CNTN6: variants seen among roughly 807,000 people sequenced by gnomAD.
The protein encoded by CNTN6 is contactin 6.
A neutral mutation model predicts 122.8 loss-of-function variants in CNTN6; 137 were observed. The observed-to-expected ratio is 1.12, with a 90% confidence interval of 0.97 to 1.29. The LOEUF (loss-of-function observed/expected upper bound fraction) is 1.29, where lower values mean the gene tolerates loss of function less well. Among genes scored for constraint, CNTN6 ranks in the 50% most tolerant of loss-of-function variants. The probability of loss-of-function intolerance (pLI) is 0.00; values close to 1 mark genes in which losing one functional copy is unlikely to be tolerated. For synonymous variants in CNTN6, 570 were observed against 426.0 expected, an observed-to-expected ratio of 1.34 and a Z score of -4.16; for missense variants, 1,634 against 1,223.4, an observed-to-expected ratio of 1.34 and a Z score of -5.01.
At chr3:1,131,009 A>G (rs2092321414) in intron 1 of CNTN6, among the ~76,000 whole-genome samples, 1 of 152,164 alleles carries the variant, frequency 6.6e-6, no homozygotes, top group Non-Finnish European at 1.5e-5. Context: ...AGGAACTGAG[A>G]ACTCTTTCTC....
chr3:1,299,807 T>G (rs1696884422), intron 7 of CNTN6, among the ~76,000 whole-genome samples: 1 of 152,216 alleles, frequency 6.6e-6, no homozygotes, highest in African/African-American at 2.4e-5. Context: ...TTAGCAAACG[T>G]GCTTATAATC....
At chr3:1,391,818 G>GA (rs1330033393) in intron 20 of CNTN6, among the ~76,000 whole-genome samples, 1 of 151,384 alleles carries the variant, frequency 6.6e-6, no homozygotes, top group Admixed American at 6.6e-5. Flanking sequence ...GCTTCAAAGA[G>GA]AATAAAATAC....
At chr3:1,387,445 C>A (rs1693201330) in intron 20 of CNTN6, among the ~76,000 whole-genome samples, 1 of 152,178 alleles carries the variant, frequency 6.6e-6, no homozygotes, top group African/African-American at 2.4e-5. Context: ...TAGCTTCTTT[C>A]AGCTAATCTG....
intron 2 of CNTN6, among the ~76,000 whole-genome samples, chr3:1,149,808 A>G (rs924403102): frequency 1.1e-4 from 17 of 152,172 alleles, no homozygotes; most frequent in African/African-American, 3.6e-4. Flanking sequence ...AAAATTCAAC[A>G]TTAACATTTT....
At chr3:1,301,024 CTT>C (rs562912841) in intron 7 of CNTN6, among the ~76,000 whole-genome samples, 5 of 93,272 alleles carry the variant, frequency 5.4e-5, no homozygotes, top group African/African-American at 2.2e-4. Flanking sequence ...AGTCCCTAAA[CTT>C]TTTTTTTTTT....
At chr3:1,232,517 T>C (rs1228552813) in intron 4 of CNTN6, among the ~76,000 whole-genome samples, 2 of 152,228 alleles carry the variant, frequency 1.3e-5, no homozygotes, top group Non-Finnish European at 2.9e-5. Context: ...GTGGCAGGCA[T>C]TGTTCCAAAC....
chr3:1,383,202 CT>C, intron 18 of CNTN6, 26 bp downstream of exon 18: 1 of 1,600,498 alleles, frequency 6.2e-7, no homozygotes, highest in South Asian at 1.1e-5. Context: ...CTCTGGTTTT[CT>C]TTGAGACTCT....
At chr3:1,321,005 T>A (rs1700765480) in intron 7 of CNTN6, among the ~76,000 whole-genome samples, 2 of 151,646 alleles carry the variant, frequency 1.3e-5, no homozygotes, top group Non-Finnish European at 3.0e-5. Context: ...GTTTTACTTT[T>A]TTTTAAATCG....
chr3:1,401,727 C>T (rs59433318), intron 21 of CNTN6, among the ~76,000 whole-genome samples, 182 bp downstream of exon 21: 138 of 152,028 alleles, frequency 9.1e-4, no homozygotes, highest in African/African-American at 3.3e-3. Flanking sequence ...TTCCAAGGTC[C>T]AGTAATGTAT....
intron 5 of CNTN6, among the ~76,000 whole-genome samples, chr3:1,294,355 A>C (rs915733930): frequency 6.6e-6 from 1 of 152,204 alleles, no homozygotes; most frequent in African/African-American, 2.4e-5. Flanking sequence ...AAAATAGTAC[A>C]TTCTGTTTGT....
intron 4 of CNTN6, among the ~76,000 whole-genome samples, chr3:1,261,050 A>G (rs1355272101): frequency 6.6e-6 from 1 of 152,144 alleles, no homozygotes. Flanking sequence ...ATGGGGAAAA[A>G]AAAATTAGAG....
chr3:1,101,749 A>T (rs113430111), intron 1 of CNTN6, among the ~76,000 whole-genome samples: 1 of 152,226 alleles, frequency 6.6e-6, no homozygotes, highest in African/African-American at 2.4e-5. Flanking sequence ...GTTTTAGTCC[A>T]ATGACAGAAT....
chr3:1,267,495 C>T (rs1247094394), intron 4 of CNTN6, among the ~76,000 whole-genome samples: 3 of 152,096 alleles, frequency 2.0e-5, no homozygotes, highest in South Asian at 2.1e-4. Context: ...AAGAGGTCCC[C>T]GGCTCCTGTA....
chr3:1,364,046 G>T (rs1184502912), intron 12 of CNTN6, among the ~76,000 whole-genome samples: 1 of 151,864 alleles, frequency 6.6e-6, no homozygotes, highest in Admixed American at 6.6e-5. Flanking sequence ...TTGGCTATTT[G>T]TATGTCTTCT....
At chr3:1,127,592 A>C (rs2092209524) in intron 1 of CNTN6, among the ~76,000 whole-genome samples, 1 of 151,904 alleles carries the variant, frequency 6.6e-6, no homozygotes, top group Admixed American at 6.6e-5. Flanking sequence ...CAACCAGAAG[A>C]AGCCTGTGAA....
intron 5 of CNTN6, among the ~76,000 whole-genome samples, chr3:1,283,592 A>G (rs1693834703): frequency 6.6e-6 from 1 of 152,244 alleles, no homozygotes; most frequent in Admixed American, 6.5e-5. Flanking sequence ...TTTAAAAATG[A>G]CAGAATGAAG....
intron 1 of CNTN6, among the ~76,000 whole-genome samples, chr3:1,115,384 A>T (rs2091674806): frequency 6.6e-6 from 1 of 152,144 alleles, no homozygotes. Context: ...GATTAAGAAC[A>T]GTTCCAAAAC....
chr3:1,138,628 C>G (rs373481156), intron 1 of CNTN6, among the ~76,000 whole-genome samples: 9 of 151,918 alleles, frequency 5.9e-5, no homozygotes, highest in African/African-American at 1.9e-4. Context: ...TTTTCCTCTA[C>G]CACTCTAATA....
intron 4 of CNTN6, among the ~76,000 whole-genome samples, chr3:1,255,425 A>AAAAAG (rs1553642699): frequency 2.3e-3 from 329 of 144,374 alleles, no homozygotes; most frequent in African/African-American, 7.7e-3. Context: ...TGGAAAAAAA[A>AAAAAG]AAAGAAAGAA....
Sources: allele counts gnomAD v4.1 joint callset (sites outside exome capture counted in the v4.1 genomes callset), GRCh38; gene constraint gnomAD v4.1.1; transcripts MANE v1.5; gene names NCBI Gene and HGNC (gene_info 2026-07-23, HGNC 2026-07-21).